Variants in TSHZ2 observed in about 807,000 individuals in gnomAD.
The protein encoded by TSHZ2 is teashirt homolog 2.
TSHZ2 carries 21 observed loss-of-function variants against 74.4 expected under a neutral mutation model. The ratio of observed to expected loss-of-function variants is 0.28; its 90% CI spans 0.20 to 0.41. The LOEUF is 0.41. TSHZ2 is among the 10% of genes least tolerant of loss of function. The pLI is 1.00. For synonymous variants in TSHZ2, 540 were observed against 515.3 expected (o/e 1.05, Z -0.65); for missense variants, 1,244 against 1,293.5 (o/e 0.96, Z 0.59).
At chr20:53,108,867 G>A (rs1209341339) in intron 1 of TSHZ2, among the ~76,000 whole-genome samples, 1 of 152,058 alleles carries the variant, frequency 6.6e-6, no homozygotes, top group Non-Finnish European at 1.5e-5. Context: ...CAGTGTCCCT[G>A]GTTCGCCAAC....
At chr20:53,450,447 T>C (rs556755624) in intron 2 of TSHZ2, among the ~76,000 whole-genome samples, 2 of 152,344 alleles carry the variant, frequency 1.3e-5, no homozygotes, top group South Asian at 4.1e-4. Context: ...AATGAGCCAT[T>C]TGCCTTTATT....
At chr20:53,360,573 G>C (rs1042370789) in intron 2 of TSHZ2, among the ~76,000 whole-genome samples, 8 of 152,174 alleles carry the variant, frequency 5.3e-5, no homozygotes, top group African/African-American at 1.9e-4. Context: ...ATGGTTCCAA[G>C]ATGGTGTGAT....
At chr20:53,390,740 C>G (rs6013673) in intron 2 of TSHZ2, among the ~76,000 whole-genome samples, 22,184 of 152,136 alleles carry the variant, frequency 0.15, 4,056 homozygotes, top group African/African-American at 0.43. Flanking sequence ...CTTCAACAAT[C>G]GTTGAACTAA....
chr20:53,163,431 C>CTTTTA (rs202010008), intron 1 of TSHZ2, among the ~76,000 whole-genome samples: 88 of 129,872 alleles, frequency 6.8e-4, no homozygotes, highest in Non-Finnish European at 1.0e-3. Flanking sequence ...CAAGAAGAGC[C>CTTTTA]TTTTATTTTA....
rs139336177 is a variant in TSHZ2, at chr20:53,277,512, A to G, written c.*8+20941A>G. 1.6e-4 allele frequency among the ~76,000 whole-genome samples: 25 copies of G among 152,140 alleles called. No individual in the cohort carries two copies. In the East Asian group the frequency reaches 4.4e-3, roughly 27 times the overall value. On this transcript the variant is annotated intron_variant, in intron 2 of 2. Transcript: ENST00000371497. ...CTCATCCAAGGACAGAGTTGGACTC[A>G]TGCACAGAGCAATCCTTGGTTCAGA...
chr20:53,416,241 G>A (rs1983249964), intron 2 of TSHZ2, among the ~76,000 whole-genome samples: 1 of 152,214 alleles, frequency 6.6e-6, no homozygotes, highest in Non-Finnish European at 1.5e-5. Context: ...TTGGGTGTTA[G>A]GTACAGGTCT....
At chr20:53,288,348 G>A (rs1426629707) in intron 2 of TSHZ2, among the ~76,000 whole-genome samples, 2 of 146,990 alleles carry the variant, frequency 1.4e-5, no homozygotes, top group African/African-American at 5.1e-5. Flanking sequence ...AGGTTGCAGT[G>A]AGCCGAGATC....
At chr20:53,320,231 G>T (rs551982353) in intron 2 of TSHZ2, among the ~76,000 whole-genome samples, 1 of 152,298 alleles carries the variant, frequency 6.6e-6, no homozygotes, top group Non-Finnish European at 1.5e-5. Flanking sequence ...TCTAAGGTTG[G>T]TGTATTATTT....
chr20:53,121,190 G>C (rs1176757849), intron 1 of TSHZ2, among the ~76,000 whole-genome samples: 2 of 152,160 alleles, frequency 1.3e-5, no homozygotes, highest in African/African-American at 4.8e-5. Flanking sequence ...CTCCATATGT[G>C]TGTCTGTGTG....
intron 2 of TSHZ2, among the ~76,000 whole-genome samples, chr20:53,449,728 A>G (rs563437259): frequency 2.3e-4 from 7 of 30,022 alleles, no homozygotes; most frequent in East Asian, 1.9e-3. Flanking sequence ...CCATCAGTTA[A>G]TTAATTATTC....
chr20:53,195,060 G>A (rs910660280), intron 1 of TSHZ2, among the ~76,000 whole-genome samples: 1 of 152,124 alleles, frequency 6.6e-6, no homozygotes, highest in Non-Finnish European at 1.5e-5. Context: ...GTGGCAAGGG[G>A]TGAGACTGAA....
Position 53,421,548 on chromosome 20 carries a change from T to G in TSHZ2, c.*9-65596T>G, listed in dbSNP as rs868064077. The G allele has an allele frequency of 2.4e-4, 54 of 222,070 alleles. No individual in the cohort carries two copies. The Middle Eastern group carries it at 3.1e-3, about 13-fold the overall frequency. 13.8% of individuals were successfully genotyped at this position (222,070 alleles called of 1,614,324 possible). ...GGCTGGATGGCAAGCGTGTGATGTT[T>G]GGCAAGGTGCAAGAGGGCATGAATC... On this transcript the variant is annotated intron_variant, in intron 2 of 2. Coordinates refer to ENST00000371497, the MANE Select transcript of TSHZ2 (RefSeq NM_173485.6).
chr20:53,215,293 G>A (rs1324957495), intron 1 of TSHZ2, among the ~76,000 whole-genome samples: 3 of 152,026 alleles, frequency 2.0e-5, no homozygotes, highest in Non-Finnish European at 4.4e-5. Flanking sequence ...GTATATTGCG[G>A]TGGTTTTTAA....
intron 1 of TSHZ2, among the ~76,000 whole-genome samples, chr20:53,230,027 GGAAGGAAGGAAA>G (rs1329001756): frequency 7.3e-6 from 1 of 136,566 alleles, no homozygotes; most frequent in Non-Finnish European, 1.6e-5. Flanking sequence ...AAAAAGAGAA[GGAAGGAAGGAAA>G]GAAGGAAGGG....
rs74746818 is a variant in TSHZ2 at position 53,049,499 on chromosome 20, T to C, written c.40+76166T>C. ...GAGGCACATCCCATCCCCAGTGACGTAGGGAGTCTTAGTTTATCTTTAATT... is the reference window on the plus strand; with the variant it reads ...GAGGCACATCCCATCCCCAGTGACGCAGGGAGTCTTAGTTTATCTTTAATT... On this transcript the variant is annotated intron_variant, in intron 1 of 2. Coordinates refer to ENST00000371497, the MANE Select transcript of TSHZ2 (RefSeq NM_173485.6). Among the ~76,000 whole-genome samples the C allele has an allele frequency of 3.2e-3, 494 of 152,266 alleles. 3 individuals carry two copies. Among genetic ancestry groups the C allele is most frequent in the African/African-American group, 0.011 (462 of 41,558 alleles).
chr20:53,145,248 C>G (rs2123425694), intron 1 of TSHZ2, among the ~76,000 whole-genome samples: 1 of 152,298 alleles, frequency 6.6e-6, no homozygotes, highest in Non-Finnish European at 1.5e-5. Context: ...AGGAACATCA[C>G]TTTCTTTTGA....
chr20:53,420,523 G>A (rs1425025365), intron 2 of TSHZ2, among the ~76,000 whole-genome samples: 2 of 152,096 alleles, frequency 1.3e-5, no homozygotes, highest in East Asian at 1.9e-4. Context: ...CCAGGAGATC[G>A]AGACCATCCT....
intron 1 of TSHZ2, among the ~76,000 whole-genome samples, chr20:53,213,347 T>C (rs1262374077): frequency 6.6e-6 from 1 of 152,168 alleles, no homozygotes; most frequent in Non-Finnish European, 1.5e-5. Context: ...GGATTAGTCC[T>C]TGAAAAAAGC....
chr20:53,107,948 T>C (rs1022026350), intron 1 of TSHZ2, among the ~76,000 whole-genome samples: 3 of 152,232 alleles, frequency 2.0e-5, no homozygotes, highest in Admixed American at 2.0e-4. Flanking sequence ...CTGCACTTCT[T>C]ACCAGAACAA....
Sources: allele counts gnomAD v4.1 joint callset (sites outside exome capture counted in the v4.1 genomes callset), GRCh38; gene constraint gnomAD v4.1.1; transcripts MANE v1.5; gene names NCBI Gene and HGNC (gene_info 2026-07-23, HGNC 2026-07-21).